HYDIN: variants seen among roughly 807,000 people sequenced by gnomAD.
HYDIN encodes HYDIN axonemal central pair apparatus protein, also known as axonemal central pair apparatus protein HYDIN.
A neutral mutation model predicts 403.9 loss-of-function variants in HYDIN; 132 were observed. The observed-to-expected ratio is 0.33, with a 90% CI of 0.28 to 0.38. HYDIN has a LOEUF of 0.38. Ranked by LOEUF, HYDIN falls within the 10% of genes least tolerant of loss-of-function variation. The pLI, the probability that HYDIN is intolerant of heterozygous loss-of-function variation, is 1.00. For missense variants in HYDIN, 2,827 were observed against 5,009.5 expected (o/e 0.56, Z 13.15); for synonymous variants, 1,202 against 1,891.7 (o/e 0.64, Z 9.46).
intron 38 of HYDIN, among the ~76,000 whole-genome samples, chr16:70,961,242 C>A (rs1254784018): frequency 3.3e-5 from 5 of 152,206 alleles, no homozygotes; most frequent in Admixed American, 3.3e-4. Flanking sequence ...GGCCCATCAA[C>A]ATAGCCAGGG....
intron 13 of HYDIN, among the ~76,000 whole-genome samples, chr16:71,072,545 A>T (rs2082500065): frequency 6.6e-6 from 1 of 150,852 alleles, no homozygotes; most frequent in African/African-American, 2.4e-5. Context: ...TTTGATAAAA[A>T]ATTTCACAAT....
At chr16:70,818,047 A>G (rs2143454528) in intron 84 of HYDIN, among the ~76,000 whole-genome samples, 1 of 152,188 alleles carries the variant, frequency 6.6e-6, no homozygotes, top group East Asian at 1.9e-4. Context: ...TGGACTCTAT[A>G]CTACTTTTAT....
intron 1 of HYDIN, among the ~76,000 whole-genome samples, chr16:71,192,068 A>AGTAACCT (rs2087464335): frequency 6.6e-6 from 1 of 152,216 alleles, no homozygotes; most frequent in Non-Finnish European, 1.5e-5. Flanking sequence ...AGATAAGGAA[A>AGTAACCT]CTGAGGCACA....
intron 52 of HYDIN, among the ~76,000 whole-genome samples, chr16:70,901,748 G>A (rs2076385784): frequency 6.6e-6 from 1 of 151,788 alleles, no homozygotes. Context: ...ACCATGCCTG[G>A]CTAATTTTTG....
chr16:70,839,722 G>A (rs531263911), intron 76 of HYDIN, among the ~76,000 whole-genome samples: 1 of 151,718 alleles, frequency 6.6e-6, no homozygotes, highest in East Asian at 2.0e-4. Flanking sequence ...GCTATTTACT[G>A]CAAAGCCACT....
At chr16:70,809,270 T>C (rs2035304265) in intron 85 of HYDIN, among the ~76,000 whole-genome samples, 2 of 152,186 alleles carry the variant, frequency 1.3e-5, no homozygotes, top group Admixed American at 1.3e-4. Context: ...ACAGCTAATG[T>C]ATATGGAGCA....
chr16:71,129,900 T>G (rs2084636160), intron 8 of HYDIN, 77 bp from the exon 9 acceptor site: 1 of 1,541,392 alleles, frequency 6.5e-7, no homozygotes, highest in East Asian at 2.3e-5. Context: ...CTCTAGTACC[T>G]CCTCCTGGAA....
Position 70,807,723 on chromosome 16 carries a change from T to C in HYDIN, c.15223A>G (p.Asn5075Asp). ...AGESVRPKKI[N>D]NITVSFEGNP... ...CCTTCAAAGGAGACTGTGATGTTGTTGATCTTCTTGGGCCGCACAGACTCT... is the reference window on the plus strand; with the variant it reads ...CCTTCAAAGGAGACTGTGATGTTGTCGATCTTCTTGGGCCGCACAGACTCT... Residue 5075 changes from asparagine (N) to aspartate (D), a missense_variant, in exon 86 of 86, where the codon AAC becomes GAC. By Grantham distance (23) the Asn-to-Asp change is conservative. Transcript: ENST00000393567. 2 of 1,614,192 alleles carry C rather than the reference T, an allele frequency of 1.2e-6. No individual in the cohort carries two copies. Among genetic ancestry groups the C allele is most frequent in the Non-Finnish European group, 1.7e-6 (2 of 1,180,028 alleles).
intron 1 of HYDIN, among the ~76,000 whole-genome samples, chr16:71,191,786 C>T (rs1487317967): frequency 6.6e-6 from 1 of 152,180 alleles, no homozygotes; most frequent in Non-Finnish European, 1.5e-5. Flanking sequence ...GATGCTTCCA[C>T]TTAGGGTGTC....
chr16:71,064,053 T>C (rs2082177106), intron 16 of HYDIN, among the ~76,000 whole-genome samples: 1 of 129,404 alleles, frequency 7.7e-6, no homozygotes, highest in Non-Finnish European at 1.8e-5. Context: ...TTGCATATAT[T>C]TTAGTTAGAA....
intron 18 of HYDIN, among the ~76,000 whole-genome samples, chr16:71,057,604 A>G (rs970789015): frequency 6.6e-6 from 1 of 152,046 alleles, no homozygotes; most frequent in African/African-American, 2.4e-5. Context: ...TTTTATATTT[A>G]AATTTAGAAA....
intron 1 of HYDIN, among the ~76,000 whole-genome samples, chr16:71,202,204 A>G (rs1322451786): frequency 6.6e-6 from 1 of 152,202 alleles, no homozygotes; most frequent in East Asian, 1.9e-4. Context: ...TGCTTCAACT[A>G]TTACAGACAC....
At chr16:71,116,230 CTTTTTTTTTTTTT>C (rs3051996) in intron 9 of HYDIN, among the ~76,000 whole-genome samples, 1 of 97,848 alleles carries the variant, frequency 1.0e-5, no homozygotes, top group Non-Finnish European at 1.9e-5. Flanking sequence ...TGAGTTAGAC[CTTTTTTTTTTTTT>C]TTTTTTTTTA....
chr16:71,080,059 T>C (rs1205780699), intron 12 of HYDIN, 107 bp from the exon 13 acceptor site: 23 of 608,786 alleles, frequency 3.8e-5, no homozygotes, highest in Admixed American at 1.4e-4. Flanking sequence ...CTTGACTTTA[T>C]GTCAATTATA....
rs534447900 is a variant in HYDIN, at chr16:70,807,727, C to T, written c.15219G>A (p.Lys5073=). 1 of 1,614,114 alleles carries T rather than the reference C, an allele frequency of 6.2e-7. No homozygotes were observed. The highest frequency in any genetic ancestry group is 2.2e-5 in the East Asian group (1 of 44,884). Residue 5073 remains lysine, a synonymous_variant, in exon 86 of 86, where the codon AAG becomes AAA. Coordinates refer to ENST00000393567, the MANE Select transcript of HYDIN (RefSeq NM_001270974.2). Reference sequence around the variant, plus strand: ...CAAAGGAGACTGTGATGTTGTTGATCTTCTTGGGCCGCACAGACTCTCCAG... The same window carrying T: ...CAAAGGAGACTGTGATGTTGTTGATTTTCTTGGGCCGCACAGACTCTCCAG... ...IRAGESVRPK[K]INNITVSFEG...
intron 10 of HYDIN, among the ~76,000 whole-genome samples, chr16:71,107,975 T>C (rs1048694404): frequency 1.3e-5 from 2 of 152,110 alleles, no homozygotes; most frequent in Non-Finnish European, 2.9e-5. Context: ...CACTACAAAA[T>C]ACTACGCAGC....
In HYDIN at chr16:70,920,667, T is replaced by C. The variant is rs757549307; in HGVS notation, c.7709A>G (p.Asp2570Gly). The change falls in exon 46 of 86, where the codon GAC becomes GGC. Residue 2570 changes from aspartate to glycine, a missense_variant. Physicochemically the swap from Asp to Gly is moderately conservative, Grantham distance 94. Transcript: ENST00000393567. ...GCCTTCAAAGTCTGGTGTCTGGATGTCTAGGAAGGGTACGCCCAGGTCCTT... is the reference window on the plus strand; with the variant it reads ...GCCTTCAAAGTCTGGTGTCTGGATGCCTAGGAAGGGTACGCCCAGGTCCTT... ...KEKDLGVPFL[D>G]IQTPDFEGLS... The C allele has an allele frequency of 3.1e-6, 5 of 1,613,758 alleles. No homozygotes were observed. The East Asian group carries it at 6.7e-5, about 22-fold the overall frequency.
intron 1 of HYDIN, among the ~76,000 whole-genome samples, chr16:71,197,162 C>A (rs975388675): frequency 6.6e-6 from 1 of 152,078 alleles, no homozygotes; most frequent in African/African-American, 2.4e-5. Flanking sequence ...AATACCTTAT[C>A]GTAAATGTCT....
chr16:70,899,862 G>C (rs1293277518), intron 53 of HYDIN, among the ~76,000 whole-genome samples: 23 of 151,948 alleles, frequency 1.5e-4, no homozygotes, highest in Non-Finnish European at 3.4e-4. Flanking sequence ...GTTGCAACAA[G>C]GTCAGTGGCT....
Sources: gnomAD v4.1 joint callset for allele counts (sites outside exome capture counted in the v4.1 genomes callset) on GRCh38, gnomAD v4.1.1 for gene constraint, MANE v1.5 for transcripts, NCBI Gene and HGNC (gene_info 2026-07-23, HGNC 2026-07-21) for gene names.